Variants in IL6ST observed in about 807,000 individuals in gnomAD.
The protein encoded by IL6ST is interleukin 6 cytokine family signal transducer.
In IL6ST, 24 loss-of-function variants were observed where a neutral mutation model predicts 91.3. The observed-to-expected ratio is 0.26, with a 90% CI of 0.19 to 0.37. The LOEUF is 0.37. Ranked by LOEUF, IL6ST falls within the 10% of genes least tolerant of loss-of-function variation. The probability of loss-of-function intolerance (pLI) is 1.00; values close to 1 mark genes in which losing one functional copy is unlikely to be tolerated. For synonymous variants in IL6ST, 351 were observed against 373.6 expected, an observed-to-expected ratio of 0.94 and a Z score of 0.70; for missense variants, 914 against 1,078.5, an observed-to-expected ratio of 0.85 and a Z score of 2.14.
chr5:55,967,613 G>A (rs1277757765), intron 5 of IL6ST, among the ~76,000 whole-genome samples: 1 of 151,558 alleles, frequency 6.6e-6, no homozygotes, highest in Non-Finnish European at 1.5e-5. Context: ...TTTTTAAAAT[G>A]TCCTCATCTT....
At position 55,963,503 on chromosome 5, in the gene IL6ST, T is replaced by A. The variant is rs750328225; in HGVS notation, c.662A>T (p.Lys221Met). 1 of 1,602,196 alleles carries A rather than the reference T, an allele frequency of 6.2e-7. No individual in the cohort carries two copies. Among genetic ancestry groups the A allele is most frequent in the South Asian group, 1.1e-5 (1 of 89,156 alleles). Residue 221 changes from lysine to methionine, a missense_variant, in exon 7 of 17, where the codon AAG becomes ATG. Transcript: ENST00000381298. Reference protein sequence around the residue: ...HINFDPVYKVKPNPPHNLSVI... With the variant: ...HINFDPVYKVMPNPPHNLSVI... ...TGATAAATTATGTGGCGGATTGGGCTTCACTGAAAAATAAAATAAATCCTA... is the reference window on the plus strand; with the variant it reads ...TGATAAATTATGTGGCGGATTGGGCATCACTGAAAAATAAAATAAATCCTA...
chr5:55,942,939 T>C (rs1016087319), intron 15 of IL6ST, among the ~76,000 whole-genome samples, 188 bp from the exon 16 acceptor site: 1 of 152,074 alleles, frequency 6.6e-6, no homozygotes, highest in Non-Finnish European at 1.5e-5. Context: ...CTGTTGAAAA[T>C]GCATAAGGAT....
At chr5:55,976,106 AAAG>A in intron 3 of IL6ST, 106 bp downstream of exon 3, 2 of 465,288 alleles carry the variant, frequency 4.3e-6, no homozygotes, top group East Asian at 7.8e-5. Context: ...ATTATCCTAG[AAAG>A]AATATATGAA....
Position 55,956,033 on chromosome 5 carries a change from T to G in IL6ST, c.1259A>C (p.Asp420Ala). 6.2e-7 allele frequency: 1 copy of G among 1,611,728 alleles called. No individual in the cohort carries two copies. Among genetic ancestry groups the G allele is most frequent in the Non-Finnish European group, 8.5e-7 (1 of 1,177,868 alleles). ...DAAVLTIPACDFQATHPVMDL... is the reference protein window; with the variant it reads ...DAAVLTIPACAFQATHPVMDL... ...ATCTCACAGATACAAACCTTGAAAG[T>G]CACAGGCAGGGATAGTTAAAACAGC... is the stretch of plus-strand genomic sequence containing the variant. Residue 420 changes from aspartate to alanine, a missense_variant, in exon 10 of 17, where the codon GAC becomes GCC. Physicochemically the swap from Asp to Ala is moderately radical, Grantham distance 126. Coordinates refer to ENST00000381298, the MANE Select transcript of IL6ST (RefSeq NM_002184.4).
rs541228643 is a variant in IL6ST at position 55,939,720 on chromosome 5, A to G, written c.*1362T>C. 4.8e-6 allele frequency: 1 copy of G among 208,590 alleles called. No individual in the cohort carries two copies. The highest frequency in any genetic ancestry group is 7.2e-5 in the East Asian group (1 of 13,934). 12.9% of individuals were successfully genotyped at this position (208,590 alleles called of 1,614,324 possible). On this transcript the variant is annotated 3_prime_UTR_variant, in exon 17 of 17. Coordinates refer to ENST00000381298, the MANE Select transcript of IL6ST (RefSeq NM_002184.4). ...CCATATCGCACGTGGTGGTTAGGGGACAGCATAAGTACACTAGCGGCTTTA... is the reference window on the plus strand; with the variant it reads ...CCATATCGCACGTGGTGGTTAGGGGGCAGCATAAGTACACTAGCGGCTTTA...
intron 1 of IL6ST, among the ~76,000 whole-genome samples, chr5:55,990,365 A>G (rs760894196): frequency 6.6e-6 from 1 of 152,106 alleles, no homozygotes; most frequent in Non-Finnish European, 1.5e-5. Flanking sequence ...ATTGTTGACC[A>G]TCCCTGGTTC....
chr5:55,979,145 A>G (rs999853091), intron 2 of IL6ST, among the ~76,000 whole-genome samples: 6 of 152,192 alleles, frequency 3.9e-5, no homozygotes, highest in African/African-American at 1.4e-4. Flanking sequence ...TCATATCAGC[A>G]CTTTGGGAGG....
chr5:55,949,909 G>T (rs756008505), intron 14 of IL6ST, among the ~76,000 whole-genome samples: 1 of 152,190 alleles, frequency 6.6e-6, no homozygotes, highest in African/African-American at 2.4e-5. Context: ...GATTCAAAAT[G>T]TAGGGGGAGC....
intron 8 of IL6ST, among the ~76,000 whole-genome samples, chr5:55,959,031 TA>T (rs951550631): frequency 2.0e-5 from 3 of 150,966 alleles, no homozygotes; most frequent in Admixed American, 1.3e-4. Context: ...ATGAAATTAT[TA>T]AAAAAAAATT....
chr5:55,956,108 C>A lies in IL6ST; in HGVS notation c.1184G>T (p.Arg395Leu). The change falls in exon 10 of 17, where the codon CGC (arginine) becomes CTC (leucine). Residue 395 changes from arginine (R) to leucine (L), a missense_variant. Coordinates refer to ENST00000381298, the MANE Select transcript of IL6ST (RefSeq NM_002184.4). ...TCTTACTGTTAGGGTTGCTAGATAG[C>A]GATCATTTGTGAGATTTACTGTCAG... is the stretch of plus-strand genomic sequence containing the variant. ...TKLTVNLTND[R>L]YLATLTVRNL... The A allele has an allele frequency of 6.2e-7, 1 of 1,612,658 alleles. No homozygotes were observed. The highest frequency in any genetic ancestry group is 8.5e-7 in the Non-Finnish European group (1 of 1,178,742).
intron 11 of IL6ST, 89 bp from the exon 12 acceptor site, chr5:55,952,440 G>T: frequency 2.8e-6 from 2 of 704,774 alleles, no homozygotes; most frequent in South Asian, 4.5e-5. Flanking sequence ...ATAATTTCAT[G>T]ACCACTTAAT....
rs1750828284 is a variant in IL6ST, at chr5:55,940,407, C to CTAAT, written c.*671_*674dup. ...AAATTTTTGAAAACTAGTGAGATTA[C>CTAAT]TAATTATTGATGAATAAAAAATGAG... On this transcript the variant is annotated 3_prime_UTR_variant, in exon 17 of 17. Coordinates refer to ENST00000381298, the MANE Select transcript of IL6ST (RefSeq NM_002184.4). 1 of 209,292 alleles carries CTAAT rather than the reference C, an allele frequency of 4.8e-6. No individual in the cohort carries two copies. Among genetic ancestry groups the CTAAT allele is most frequent in the African/African-American group, 2.3e-5 (1 of 44,190 alleles). The allele number at this position is 209,292 out of a possible 1,614,324, so 13.0% of individuals were successfully genotyped here. A position where few individuals can be genotyped will look rare whatever the true frequency, so the allele number is the denominator to read the frequency against.
intron 13 of IL6ST, 154 bp downstream of exon 13, chr5:55,951,775 T>C: frequency 1.3e-6 from 1 of 785,660 alleles, no homozygotes; most frequent in South Asian, 1.9e-5. Context: ...CAATACTTTT[T>C]CAATAAATCC....
In IL6ST at chr5:55,936,524, A is replaced by ATCAC. The variant is rs1750544580; in HGVS notation, c.*4557_*4558insGTGA. 2.9e-5 allele frequency: 6 copies of ATCAC among 210,388 alleles called. No individual in the cohort carries two copies. Among genetic ancestry groups the ATCAC allele is most frequent in the Non-Finnish European group, 5.8e-5 (6 of 103,798 alleles). 13.0% of individuals were successfully genotyped at this position (210,388 alleles called of 1,614,324 possible). A position where few individuals can be genotyped will look rare whatever the true frequency, so the allele number is the denominator to read the frequency against. ...AATCACATTCCATTATGTCATTTAA[A>ATCAC]ATGTCACAAAACCCACACGAAGCAT... On this transcript the variant is annotated 3_prime_UTR_variant, in exon 17 of 17. Coordinates refer to ENST00000381298, the MANE Select transcript of IL6ST (RefSeq NM_002184.4).
chr5:55,938,503 A>ATT lies in IL6ST; in HGVS notation c.*2578_*2579insAA, dbSNP rs1280966300. Reference sequence around the variant, plus strand: ...TTTGGGTCATTATTTTATAACCCTAAAGGGAGCAACTGCAGGTGCAGAAGC... The same window carrying ATT: ...TTTGGGTCATTATTTTATAACCCTAATTAGGGAGCAACTGCAGGTGCAGAAGC... On this transcript the variant is annotated 3_prime_UTR_variant, in exon 17 of 17. Coordinates refer to ENST00000381298, the MANE Select transcript of IL6ST (RefSeq NM_002184.4). The ATT allele has an allele frequency of 1.0e-5, 2 of 198,206 alleles. No individual in the cohort carries two copies. Among genetic ancestry groups the ATT allele is most frequent in the Admixed American group, 1.2e-4 (2 of 16,538 alleles). The allele number at this position is 198,206 out of a possible 1,614,324, so 12.3% of individuals were successfully genotyped here. A position where few individuals can be genotyped will look rare whatever the true frequency, so the allele number is the denominator to read the frequency against.
At chr5:55,980,797 C>T (rs953940667) in intron 2 of IL6ST, among the ~76,000 whole-genome samples, 6 of 152,124 alleles carry the variant, frequency 3.9e-5, no homozygotes, top group Admixed American at 3.9e-4. Context: ...CCTAGTTCTG[C>T]ACTTGGAACA....
At chr5:55,970,514 C>T (rs1358519525) in intron 3 of IL6ST, among the ~76,000 whole-genome samples, 1 of 152,002 alleles carries the variant, frequency 6.6e-6, no homozygotes, top group African/African-American at 2.4e-5. Context: ...TAGGGAGATG[C>T]CATCTGTACT....
intron 3 of IL6ST, 52 bp downstream of exon 3, chr5:55,976,163 T>C (rs766047826): frequency 1.2e-6 from 1 of 801,202 alleles, no homozygotes; most frequent in South Asian, 2.5e-5. Flanking sequence ...AATATAAAAA[T>C]ATATAAACCT....
Position 55,955,006 on chromosome 5 carries a change from T to G in IL6ST, c.1268-14A>C. The G allele has an allele frequency of 6.6e-7, 1 of 1,520,374 alleles. No homozygotes were observed. The highest frequency in any genetic ancestry group is 9.0e-7 in the Non-Finnish European group (1 of 1,115,768). 94.2% of individuals were successfully genotyped at this position (1,520,374 alleles called of 1,614,324 possible). A position where few individuals can be genotyped will look rare whatever the true frequency, so the allele number is the denominator to read the frequency against. On this transcript the variant is annotated splice_polypyrimidine_tract_variant and intron_variant, in intron 10 of 16. Transcript: ENST00000381298. Reference sequence around the variant, plus strand: ...CAGGGTGAGTAGCTTTAAAACAAAGTTTGAATATTGAAATAATAAATATTA... The same window carrying G: ...CAGGGTGAGTAGCTTTAAAACAAAGGTTGAATATTGAAATAATAAATATTA...
Sources: gnomAD v4.1 joint callset for allele counts (sites outside exome capture counted in the v4.1 genomes callset) on GRCh38, gnomAD v4.1.1 for gene constraint, MANE v1.5 for transcripts, NCBI Gene and HGNC (gene_info 2026-07-23, HGNC 2026-07-21) for gene names.